Variants in CTNNA2 observed in about 807,000 individuals in gnomAD.
CTNNA2 encodes catenin alpha 2.
Under a neutral mutation model 101.0 loss-of-function variants are expected in CTNNA2, and 42 were observed. That is an observed-to-expected ratio of 0.42 (90% confidence interval 0.32 to 0.54). CTNNA2 has a LOEUF of 0.54. CTNNA2 is among the 20% of genes least tolerant of loss of function. The pLI, the probability that CTNNA2 is intolerant of heterozygous loss-of-function variation, is 0.14. For synonymous variants in CTNNA2, 450 were observed against 456.4 expected, an observed-to-expected ratio of 0.99 and a Z score of 0.18; for missense variants, 871 against 1,223.1, an observed-to-expected ratio of 0.71 and a Z score of 4.29.
At chr2:80,190,777 G>T (rs574054619) in intron 7 of CTNNA2, among the ~76,000 whole-genome samples, 2 of 152,218 alleles carry the variant, frequency 1.3e-5, no homozygotes, top group South Asian at 2.1e-4. Flanking sequence ...TGAGTATTTT[G>T]TGAAGTCTCT....
At chr2:79,643,915 A>C (rs944647680) in intron 1 of CTNNA2, among the ~76,000 whole-genome samples, 1 of 152,048 alleles carries the variant, frequency 6.6e-6, no homozygotes, top group Non-Finnish European at 1.5e-5. Flanking sequence ...CAACTAGGTT[A>C]AGTTTTTCTC....
Position 79,894,105 on chromosome 2 carries a change from C to T in CTNNA2, c.853-15489C>T, listed in dbSNP as rs374018240. ...CCTTCTTCTTCTTCTCTTTCTTCCT[C>T]TTCTTCTTTTTTAAGCTAAAGGAAC... On this transcript the variant is annotated intron_variant, in intron 6 of 18. Transcript: ENST00000402739. 2.5e-3 allele frequency among the ~76,000 whole-genome samples: 382 copies of T among 150,444 alleles called. 1 individual carries two copies. The highest frequency in any genetic ancestry group is 9.1e-3 in the African/African-American group (370 of 40,690).
chr2:80,402,067 G>A (rs956801876), intron 8 of CTNNA2, among the ~76,000 whole-genome samples: 6 of 152,170 alleles, frequency 3.9e-5, no homozygotes, highest in Non-Finnish European at 8.8e-5. Flanking sequence ...TACATTGGGG[G>A]ATTCCCATTA....
chr2:80,202,680 A>T (rs182085920), intron 7 of CTNNA2, among the ~76,000 whole-genome samples: 1 of 152,212 alleles, frequency 6.6e-6, no homozygotes, highest in African/African-American at 2.4e-5. Context: ...TCAACTAATA[A>T]TCAAACCAGC....
chr2:79,186,509 T>C (rs1340856827), intron 1 of CTNNA2, among the ~76,000 whole-genome samples: 1 of 152,196 alleles, frequency 6.6e-6, no homozygotes, highest in Non-Finnish European at 1.5e-5. Context: ...ATCAATGCGC[T>C]CAACTAACTT....
chr2:80,099,174 T>C (rs1243334766), intron 7 of CTNNA2, among the ~76,000 whole-genome samples: 1 of 152,046 alleles, frequency 6.6e-6, no homozygotes, highest in Non-Finnish European at 1.5e-5. Flanking sequence ...TCAATTCTTA[T>C]GGTGGTTAAA....
At chr2:80,255,745 T>A (rs1672091666) in intron 7 of CTNNA2, among the ~76,000 whole-genome samples, 1 of 152,154 alleles carries the variant, frequency 6.6e-6, no homozygotes, top group Non-Finnish European at 1.5e-5. Flanking sequence ...CAGGAAAGGA[T>A]GAAAGGACAG....
chr2:79,213,728 G>C (rs1156688791), intron 2 of CTNNA2, among the ~76,000 whole-genome samples: 2 of 152,212 alleles, frequency 1.3e-5, no homozygotes, highest in African/African-American at 4.8e-5. Flanking sequence ...AGGCTGGATT[G>C]AAGTCCGGGC....
intron 7 of CTNNA2, among the ~76,000 whole-genome samples, chr2:80,280,652 A>G (rs1048477155): frequency 2.0e-5 from 3 of 152,062 alleles, no homozygotes; most frequent in Non-Finnish European, 4.4e-5. Flanking sequence ...TGTTACCCAC[A>G]GTCAAGGGTG....
At chr2:79,330,671 T>C (rs762399416) in intron 3 of CTNNA2, among the ~76,000 whole-genome samples, 2 of 152,180 alleles carry the variant, frequency 1.3e-5, no homozygotes, top group African/African-American at 4.8e-5. Context: ...TTTCCTGTGC[T>C]GTTCGCATGA....
intron 4 of CTNNA2, among the ~76,000 whole-genome samples, chr2:79,475,829 T>C (rs1436840016): frequency 6.6e-6 from 1 of 152,152 alleles, no homozygotes; most frequent in Non-Finnish European, 1.5e-5. Flanking sequence ...CTATTATGCT[T>C]GGTAATACTC....
chr2:79,279,695 A>C, intron 2 of CTNNA2, among the ~76,000 whole-genome samples: 1 of 152,154 alleles, frequency 6.6e-6, no homozygotes, highest in East Asian at 1.9e-4. Context: ...GTATATAAGT[A>C]AAGTTTGGTA....
intron 17 of CTNNA2, chr2:80,618,781 C>T (rs78860972): frequency 0.022 from 4,414 of 199,518 alleles, 82 homozygotes; most frequent in Non-Finnish European, 0.035. Context: ...GGATTCACCC[C>T]CTTTGAGCCC....
chr2:80,284,126 C>T (rs1674581275), intron 7 of CTNNA2, among the ~76,000 whole-genome samples: 1 of 152,080 alleles, frequency 6.6e-6, no homozygotes, highest in South Asian at 2.1e-4. Context: ...CAAGTTCTCA[C>T]TGGATTATTT....
At position 80,431,194 on chromosome 2, in the gene CTNNA2, G is replaced by A. The variant is rs1022325028; in HGVS notation, c.1290+11593G>A. ...TTTTAGAACCAAAAATGAGTTTTCAGGTTTCTTTGACTCCGTTAGTTTTAG... is the reference window on the plus strand; with the variant it reads ...TTTTAGAACCAAAAATGAGTTTTCAAGTTTCTTTGACTCCGTTAGTTTTAG... On this transcript the variant is annotated intron_variant, in intron 9 of 18. Transcript: ENST00000402739. 3.3e-5 allele frequency among the ~76,000 whole-genome samples: 5 copies of A among 152,098 alleles called. No individual in the cohort carries two copies. The East Asian group carries it at 9.7e-4, about 29-fold the overall frequency.
chr2:79,861,191 T>A (rs906752761), intron 4 of CTNNA2, among the ~76,000 whole-genome samples: 1 of 152,218 alleles, frequency 6.6e-6, no homozygotes, highest in Non-Finnish European at 1.5e-5. Flanking sequence ...GTAGTGAGAC[T>A]ACAGCCTCCT....
At chr2:80,429,219 T>C (rs1681263174) in intron 9 of CTNNA2, among the ~76,000 whole-genome samples, 1 of 152,176 alleles carries the variant, frequency 6.6e-6, no homozygotes, top group South Asian at 2.1e-4. Context: ...GGCCCCCCCT[T>C]AGACTCTTAA....
In CTNNA2 at chr2:79,573,185, G is replaced by A. The variant is rs183540111; in HGVS notation, c.-6+59978G>A. Among the ~76,000 whole-genome samples, 70 of 152,208 alleles carry A rather than the reference G, an allele frequency of 4.6e-4. No individual in the cohort carries two copies. The South Asian group carries it at 7.7e-3, about 17-fold the overall frequency. ...GTTGGATGTTCAAGTAATAAAAACC[G>A]TGAAGGCTGAATCTGTGTAAAGCAA... is the stretch of plus-strand genomic sequence containing the variant. On this transcript the variant is annotated intron_variant, in intron 1 of 18. Transcript: ENST00000402739.
At chr2:79,274,071 A>G (rs1450314101) in intron 2 of CTNNA2, among the ~76,000 whole-genome samples, 1 of 152,048 alleles carries the variant, frequency 6.6e-6, no homozygotes, top group African/African-American at 2.4e-5. Flanking sequence ...AATTGCTAAT[A>G]TTTCTGGATT....
Sources: allele counts gnomAD v4.1 joint callset (sites outside exome capture counted in the v4.1 genomes callset), GRCh38; gene constraint gnomAD v4.1.1; transcripts MANE v1.5; gene names NCBI Gene and HGNC (gene_info 2026-07-23, HGNC 2026-07-21).